BARD1: variants seen among roughly 807,000 people sequenced by gnomAD.
BARD1 encodes the protein BRCA1-associated RING domain protein 1.
Under a neutral mutation model 77.0 loss-of-function variants are expected in BARD1, and 73 were observed. The ratio of observed to expected loss-of-function variants is 0.95; its 90% CI spans 0.79 to 1.15. The LOEUF is 1.15. Ranked by LOEUF, BARD1 falls within the 50% of genes most tolerant of loss-of-function variation. The probability of loss-of-function intolerance (pLI) is 0.00; values close to 1 mark genes in which losing one functional copy is unlikely to be tolerated. For synonymous variants in BARD1, 384 were observed against 338.0 expected (o/e 1.14, Z -1.49); for missense variants, 993 against 938.8 (o/e 1.06, Z -0.75).
At chr2:214,800,554 A>G (rs1695971362) in intron 1 of BARD1, among the ~76,000 whole-genome samples, 1 of 152,204 alleles carries the variant, frequency 6.6e-6, no homozygotes, top group Admixed American at 6.5e-5. Context: ...GTATCTTTAG[A>G]AAAACTTTTT....
chr2:214,735,532 T>C (rs1484776149), intron 9 of BARD1, among the ~76,000 whole-genome samples: 2 of 152,202 alleles, frequency 1.3e-5, no homozygotes, highest in Non-Finnish European at 2.9e-5. Context: ...GAGGATTTAC[T>C]GTTTATTACT....
intron 4 of BARD1, among the ~76,000 whole-genome samples, chr2:214,772,901 T>C (rs1424812008): frequency 6.6e-6 from 1 of 152,244 alleles, no homozygotes; most frequent in Non-Finnish European, 1.5e-5. Flanking sequence ...TACTTTCAAG[T>C]ACTCACTTTT....
chr2:214,725,886 C>T lies in BARD1; in HGVS notation c.*2790G>A. ...ATGAACGTTTAGAATATGATTAATG[C>T]ATTTTCCACACTGACCCATGGAAAC... On this transcript the variant is annotated 3_prime_UTR_variant, in exon 11 of 11. Coordinates refer to ENST00000260947, the MANE Select transcript of BARD1 (RefSeq NM_000465.4). The T allele has an allele frequency of 4.5e-6, 1 of 224,086 alleles. No individual in the cohort carries two copies. The highest frequency in any genetic ancestry group is 8.9e-6 in the Non-Finnish European group (1 of 112,344). The allele number at this position is 224,086 out of a possible 1,614,324, so 13.9% of individuals were successfully genotyped here. A position where few individuals can be genotyped will look rare whatever the true frequency, so the allele number is the denominator to read the frequency against.
At chr2:214,761,872 AT>A (rs1338946267) in intron 6 of BARD1, among the ~76,000 whole-genome samples, 2 of 152,196 alleles carry the variant, frequency 1.3e-5, no homozygotes, top group African/African-American at 4.8e-5. Context: ...TTATTGCATC[AT>A]TCTGGAAGCA....
At chr2:214,740,021 T>C (rs192535875) in intron 9 of BARD1, among the ~76,000 whole-genome samples, 86 of 152,200 alleles carry the variant, frequency 5.7e-4, no homozygotes, top group African/African-American at 2.0e-3. Context: ...AATATCAAAA[T>C]AGTCTATCTC....
chr2:214,780,671 A>G lies in BARD1; in HGVS notation c.1203T>C (p.Ser401=), dbSNP rs370553043. ...TAGACATCACTCGCCTGTAACTTGA[A>G]CTACTTAATGTAGAAGGTGGTGTAC... ...SPGTPPSTLS[S]SSYRRVMSSP... is the part of the protein sequence containing the mutation. Residue 401 remains serine, a synonymous_variant, in exon 4 of 11, where the codon AGT becomes AGC. Coordinates refer to ENST00000260947, the MANE Select transcript of BARD1 (RefSeq NM_000465.4). 6.7e-5 allele frequency: 108 copies of G among 1,613,960 alleles called. No individual in the cohort carries two copies. Among genetic ancestry groups the G allele is most frequent in the African/African-American group, 3.7e-4 (28 of 74,920 alleles).
chr2:214,796,022 C>T (rs1025071233), intron 2 of BARD1, among the ~76,000 whole-genome samples: 2 of 152,096 alleles, frequency 1.3e-5, no homozygotes, highest in Non-Finnish European at 2.9e-5. Context: ...AAGTAATACA[C>T]AAGGTTATTT....
At chr2:214,752,090 G>A (rs961899231) in intron 7 of BARD1, among the ~76,000 whole-genome samples, 2 of 152,040 alleles carry the variant, frequency 1.3e-5, no homozygotes, top group Non-Finnish European at 2.9e-5. Flanking sequence ...CAACATCTTC[G>A]AAACACTCAT....
intron 2 of BARD1, among the ~76,000 whole-genome samples, chr2:214,794,495 C>T (rs959880514): frequency 1.3e-5 from 2 of 152,150 alleles, no homozygotes; most frequent in Non-Finnish European, 2.9e-5. Context: ...CAGTGCCACT[C>T]TATTTTTTTC....
chr2:214,759,689 C>T (rs1010989282), intron 6 of BARD1, among the ~76,000 whole-genome samples: 2 of 151,992 alleles, frequency 1.3e-5, no homozygotes, highest in Non-Finnish European at 2.9e-5. Context: ...ACTGTACATT[C>T]GAATCCTCCA....
chr2:214,803,940 C>T lies in BARD1; in HGVS notation c.158+5472G>A, dbSNP rs181546624. On this transcript the variant is annotated intron_variant, in intron 1 of 10. Coordinates refer to ENST00000260947, the MANE Select transcript of BARD1 (RefSeq NM_000465.4). The stretch of plus-strand genomic sequence containing the variant: ...GTTCTTACTGATACAAAATTTTCTT[C>T]GAAAAGAAAAAAAGGAAGGTAAATC... Among the ~76,000 whole-genome samples, 307 of 151,584 alleles carry T rather than the reference C, an allele frequency of 2.0e-3. 1 individual carries two copies. Among genetic ancestry groups the T allele is most frequent in the African/African-American group, 6.8e-3 (280 of 41,376 alleles).
chr2:214,809,340 A>T (rs1696445776), intron 1 of BARD1, 72 bp downstream of exon 1: 2 of 1,589,658 alleles, frequency 1.3e-6, no homozygotes, highest in Non-Finnish European at 1.7e-6. Context: ...GAAGATTTGA[A>T]AAGATTCTGC....
chr2:214,791,624 G>A (rs570630629), intron 3 of BARD1, among the ~76,000 whole-genome samples: 48 of 152,224 alleles, frequency 3.2e-4, no homozygotes, highest in African/African-American at 1.0e-3. Context: ...TTTAAAAAAC[G>A]TTAACCCCCA....
intron 10 of BARD1, among the ~76,000 whole-genome samples, chr2:214,729,848 A>G (rs1386624666): frequency 1.3e-5 from 2 of 152,148 alleles, no homozygotes; most frequent in African/African-American, 2.4e-5. Flanking sequence ...TAAGGTCTCC[A>G]GGGCAGCCAC....
intron 1 of BARD1, among the ~76,000 whole-genome samples, chr2:214,798,103 C>G (rs1384038133): frequency 6.6e-6 from 1 of 152,000 alleles, no homozygotes; most frequent in Non-Finnish European, 1.5e-5. Flanking sequence ...GTACACATAC[C>G]ACGTATCAAT....
chr2:214,801,389 G>A (rs576190087), intron 1 of BARD1, among the ~76,000 whole-genome samples: 1 of 152,236 alleles, frequency 6.6e-6, no homozygotes, highest in South Asian at 2.1e-4. Context: ...AGTTACTGAA[G>A]AAGATTCACA....
rs1692139028 is a variant in BARD1 at position 214,727,667 on chromosome 2, C to G, written c.*1009G>C. 1 of 229,288 alleles carries G rather than the reference C, an allele frequency of 4.4e-6. No homozygotes were observed. The highest frequency in any genetic ancestry group is 2.2e-5 in the African/African-American group (1 of 45,114). The allele number at this position is 229,288 out of a possible 1,614,324, so 14.2% of individuals were successfully genotyped here. ...ACCTACTTCTATACTTACTGTATGG[C>G]CTTTTGTATGATCTGGAAAAAATCT... is the stretch of plus-strand genomic sequence containing the variant. On this transcript the variant is annotated 3_prime_UTR_variant, in exon 11 of 11. Transcript: ENST00000260947.
At chr2:214,806,799 G>A (rs543050580) in intron 1 of BARD1, among the ~76,000 whole-genome samples, 76 of 151,622 alleles carry the variant, frequency 5.0e-4, no homozygotes, top group African/African-American at 1.7e-3. Context: ...GCTTGAACCC[G>A]GGGGAAGGAG....
chr2:214,789,261 A>T (rs1325122307), intron 3 of BARD1, among the ~76,000 whole-genome samples: 1 of 152,016 alleles, frequency 6.6e-6, no homozygotes, highest in Non-Finnish European at 1.5e-5. Context: ...AGGCACAATT[A>T]GCTCATGCCT....
Sources: gnomAD v4.1 joint callset for allele counts (sites outside exome capture counted in the v4.1 genomes callset) on GRCh38, gnomAD v4.1.1 for gene constraint, MANE v1.5 for transcripts, NCBI Gene and HGNC (gene_info 2026-07-23, HGNC 2026-07-21) for gene names.